PTPRO: variants seen among roughly 807,000 people sequenced by gnomAD.
The protein encoded by PTPRO is protein tyrosine phosphatase receptor type O.
In PTPRO, 62 loss-of-function variants were observed where a neutral mutation model predicts 145.2. That is an observed-to-expected ratio of 0.43 (90% CI 0.35 to 0.53). The LOEUF is 0.53. PTPRO is among the 20% of genes least tolerant of loss of function. The pLI is 0.01. For synonymous variants in PTPRO, 565 were observed against 514.7 expected (o/e 1.10, Z -1.32); for missense variants, 1,345 against 1,482.7 (o/e 0.91, Z 1.53).
At chr12:15,548,325 A>T (rs955921955) in intron 13 of PTPRO, among the ~76,000 whole-genome samples, 1 of 152,318 alleles carries the variant, frequency 6.6e-6, no homozygotes, top group African/African-American at 2.4e-5. Flanking sequence ...TCACGCATTG[A>T]TGCCAAAGGT....
At position 15,421,661 on chromosome 12, in the gene PTPRO, T is replaced by A. The variant is rs937853351; in HGVS notation, c.76-62313T>A. On this transcript the variant is annotated intron_variant, in intron 1 of 26. Transcript: ENST00000281171. ...TGTATTATTCTGTATCACAATGGTA[T>A]CAGATTGTTTATTTTGGAGTCTGTG... Among the ~76,000 whole-genome samples the A allele has an allele frequency of 2.6e-5, 4 of 152,198 alleles. No individual in the cohort carries two copies. In the East Asian group the frequency reaches 7.7e-4, roughly 29 times the overall value.
intron 1 of PTPRO, among the ~76,000 whole-genome samples, chr12:15,329,134 A>G (rs1420592222): frequency 6.6e-6 from 1 of 152,194 alleles, no homozygotes; most frequent in Admixed American, 6.5e-5. Context: ...CATGCTCTCA[A>G]TACTGTTCCT....
At chr12:15,532,180 T>A (rs1942975498) in intron 12 of PTPRO, among the ~76,000 whole-genome samples, 1 of 152,154 alleles carries the variant, frequency 6.6e-6, no homozygotes, top group Admixed American at 6.5e-5. Context: ...TACTTTAAAA[T>A]TGTATAGGTA....
rs1944654847 is a variant in PTPRO at position 15,596,120 on chromosome 12, T to G, written c.*47T>G. ...GACATGATGTGCGCCCATCCTCCCT[T>G]GCTTCCAGATTGTTTTAGTGGGCCC... is the stretch of plus-strand genomic sequence containing the variant. On this transcript the variant is annotated 3_prime_UTR_variant, in exon 27 of 27. Transcript: ENST00000281171. The G allele has an allele frequency of 6.6e-6, 1 of 152,386 alleles. No homozygotes were observed. 9.4% of individuals were successfully genotyped at this position (152,386 alleles called of 1,614,324 possible).
At chr12:15,385,283 G>T (rs528025491) in intron 1 of PTPRO, among the ~76,000 whole-genome samples, 5 of 152,278 alleles carry the variant, frequency 3.3e-5, no homozygotes, top group African/African-American at 1.2e-4. Context: ...GGGAGCAGAG[G>T]AAAAGGCAAG....
At chr12:15,463,748 C>G (rs1387509365) in intron 1 of PTPRO, among the ~76,000 whole-genome samples, 1 of 152,148 alleles carries the variant, frequency 6.6e-6, no homozygotes, top group African/African-American at 2.4e-5. Flanking sequence ...TCTCTTCCTA[C>G]TAGCTCTCTT....
chr12:15,395,758 C>G (rs1939319247), intron 1 of PTPRO, among the ~76,000 whole-genome samples: 1 of 151,840 alleles, frequency 6.6e-6, no homozygotes, highest in African/African-American at 2.4e-5. Flanking sequence ...AGACAGCAGC[C>G]TATTTCAGTT....
chr12:15,598,270 C>G lies in PTPRO; in HGVS notation c.*2197C>G, dbSNP rs951183446. Among the ~76,000 whole-genome samples, 5 of 152,162 alleles carry G rather than the reference C, an allele frequency of 3.3e-5. No individual in the cohort carries two copies. Among genetic ancestry groups the G allele is most frequent in the Non-Finnish European group, 1.5e-5 (1 of 68,018 alleles). On this transcript the variant is annotated 3_prime_UTR_variant, in exon 27 of 27. Coordinates refer to ENST00000281171, the MANE Select transcript of PTPRO (RefSeq NM_030667.3). ...AGTCTGTCAAAAGACTTGTTTAATC[C>G]TGATAATGACTTTGGAATTATCTCT...
chr12:15,475,073 T>A (rs949538562), intron 1 of PTPRO, among the ~76,000 whole-genome samples: 1 of 152,236 alleles, frequency 6.6e-6, no homozygotes, highest in Admixed American at 6.5e-5. Flanking sequence ...GGAAGATTAG[T>A]CCCTTTCTCT....
intron 1 of PTPRO, among the ~76,000 whole-genome samples, chr12:15,447,368 G>C (rs541517971): frequency 2.6e-5 from 4 of 152,086 alleles, no homozygotes; most frequent in Non-Finnish European, 5.9e-5. Context: ...CATTTGCAGA[G>C]AATAAAAAGG....
chr12:15,336,458 T>C (rs929174596), intron 1 of PTPRO, among the ~76,000 whole-genome samples: 2 of 152,178 alleles, frequency 1.3e-5, no homozygotes, highest in African/African-American at 4.8e-5. Flanking sequence ...AGGAATTTGT[T>C]GAGCAAAGAG....
rs149773279 is a variant in PTPRO at position 15,511,573 on chromosome 12, T to C, written c.1464+2806T>C. 5.6e-3 allele frequency among the ~76,000 whole-genome samples: 856 copies of C among 152,360 alleles called. 8 individuals are homozygous for C. The highest frequency in any genetic ancestry group is 0.019 in the African/African-American group (809 of 41,596). On this transcript the variant is annotated intron_variant, in intron 7 of 26. Transcript: ENST00000281171. ...ATATTTTTGTTTGTTTGTTTGTTTG[T>C]TTATGAGACGGAGTCTCGCTCTGCT...
Position 15,386,483 on chromosome 12 carries a change from C to A in PTPRO, c.75+63682C>A, listed in dbSNP as rs538754594. Among the ~76,000 whole-genome samples the A allele has an allele frequency of 2.0e-5, 3 of 151,622 alleles. No individual in the cohort carries two copies. In the East Asian group the frequency reaches 5.8e-4, roughly 29 times the overall value. ...ATATACATATACATATATCTGATAA[C>A]CTGAAGTATATTTATTGATATATAT... On this transcript the variant is annotated intron_variant, in intron 1 of 26. Coordinates refer to ENST00000281171, the MANE Select transcript of PTPRO (RefSeq NM_030667.3).
At chr12:15,402,527 A>G (rs1939525949) in intron 1 of PTPRO, among the ~76,000 whole-genome samples, 1 of 152,212 alleles carries the variant, frequency 6.6e-6, no homozygotes, top group South Asian at 2.1e-4. Context: ...ACAATCCACA[A>G]TACTATGTCT....
At chr12:15,327,188 C>A (rs1394746186) in intron 1 of PTPRO, among the ~76,000 whole-genome samples, 1 of 152,136 alleles carries the variant, frequency 6.6e-6, no homozygotes, top group Non-Finnish European at 1.5e-5. Context: ...TTTTACCAAT[C>A]ACTTATATTA....
intron 1 of PTPRO, among the ~76,000 whole-genome samples, chr12:15,483,616 C>T (rs1941826069): frequency 6.6e-6 from 1 of 152,006 alleles, no homozygotes; most frequent in Non-Finnish European, 1.5e-5. Context: ...CAGTTGAAAC[C>T]AAGAACTTCT....
intron 1 of PTPRO, among the ~76,000 whole-genome samples, chr12:15,372,118 C>G (rs1938549039): frequency 6.6e-6 from 1 of 152,136 alleles, no homozygotes; most frequent in African/African-American, 2.4e-5. Flanking sequence ...GTGAACTTCT[C>G]TAAAAGAAAA....
At chr12:15,360,423 TATAATC>T (rs1425017432) in intron 1 of PTPRO, among the ~76,000 whole-genome samples, 4 of 152,112 alleles carry the variant, frequency 2.6e-5, no homozygotes, top group African/African-American at 7.2e-5. Context: ...AAAAATAAAA[TATAATC>T]ATAATGAATA....
At chr12:15,359,422 C>CTTTTTTTT (rs771782428) in intron 1 of PTPRO, among the ~76,000 whole-genome samples, 6 of 112,512 alleles carry the variant, frequency 5.3e-5, no homozygotes, top group Non-Finnish European at 7.3e-5. Flanking sequence ...TTTCTCTTTC[C>CTTTTTTTT]TTTTTTTTTT....
Sources: allele counts gnomAD v4.1 joint callset (sites outside exome capture counted in the v4.1 genomes callset), GRCh38; gene constraint gnomAD v4.1.1; transcripts MANE v1.5; gene names NCBI Gene and HGNC (gene_info 2026-07-23, HGNC 2026-07-21).